RELN: variants seen among roughly 807,000 people sequenced by gnomAD.
RELN encodes the protein reelin.
In RELN, 108 loss-of-function variants were observed where a neutral mutation model predicts 427.6. That is an observed-to-expected ratio of 0.25 (90% confidence interval 0.22 to 0.30). RELN has a LOEUF of 0.30. RELN is among the 10% of genes least tolerant of loss of function. RELN has a pLI of 1.00. For missense variants in RELN, 3,715 were observed against 4,302.8 expected, an observed-to-expected ratio of 0.86 and a Z score of 3.82; for synonymous variants, 1,524 against 1,513.4, an observed-to-expected ratio of 1.01 and a Z score of -0.16.
chr7:103,539,847 G>A (rs559201426), intron 44 of RELN, among the ~76,000 whole-genome samples: 20 of 152,284 alleles, frequency 1.3e-4, no homozygotes, highest in Non-Finnish European at 2.2e-4. Context: ...GAGGATTTGG[G>A]AACTACTGCA....
At chr7:103,773,178 C>CT (rs1791629697) in intron 4 of RELN, among the ~76,000 whole-genome samples, 1 of 126,094 alleles carries the variant, frequency 7.9e-6, no homozygotes, top group African/African-American at 3.0e-5. Context: ...TTCTTTCTTT[C>CT]CTTCTTTCTT....
At chr7:103,870,414 C>T (rs920301183) in intron 2 of RELN, among the ~76,000 whole-genome samples, 2 of 151,596 alleles carry the variant, frequency 1.3e-5, no homozygotes, top group African/African-American at 4.9e-5. Flanking sequence ...TGAGCTTAAA[C>T]TTGTGTGAGC....
At chr7:103,928,003 T>A (rs1795783952) in intron 1 of RELN, among the ~76,000 whole-genome samples, 1 of 123,998 alleles carries the variant, frequency 8.1e-6, no homozygotes, top group African/African-American at 2.9e-5. Context: ...TTGGTTTTGA[T>A]TTGTTGATTT....
At chr7:103,667,175 G>C (rs1833287694) in intron 11 of RELN, among the ~76,000 whole-genome samples, 1 of 152,172 alleles carries the variant, frequency 6.6e-6, no homozygotes, top group South Asian at 2.1e-4. Flanking sequence ...AGCCAGCCTT[G>C]TTGTCACAGC....
intron 63 of RELN, among the ~76,000 whole-genome samples, chr7:103,480,885 G>GAT (rs1828209116): frequency 6.6e-6 from 1 of 152,136 alleles, no homozygotes; most frequent in Non-Finnish European, 1.5e-5. Context: ...AATAATGCAG[G>GAT]ATAAGAACAG....
At chr7:103,567,778 T>TTA (rs1378201193) in intron 31 of RELN, among the ~76,000 whole-genome samples, 2 of 149,222 alleles carry the variant, frequency 1.3e-5, no homozygotes, top group East Asian at 1.9e-4. Flanking sequence ...TTTTACTTTA[T>TTA]TATATATATA....
chr7:103,725,013 T>C (rs958298592), intron 7 of RELN, among the ~76,000 whole-genome samples: 1 of 152,144 alleles, frequency 6.6e-6, no homozygotes, highest in Non-Finnish European at 1.5e-5. Context: ...AAAGAGCTTT[T>C]GATAAATAAT....
Position 103,757,514 on chromosome 7 carries a change from G to A in RELN, c.545-4300C>T, listed in dbSNP as rs150736339. On this transcript the variant is annotated intron_variant, in intron 4 of 64. Coordinates refer to ENST00000428762, the MANE Select transcript of RELN (RefSeq NM_005045.4). ...AATTGCACGATTAAAACCTAGCAAC[G>A]ACATAAAATTGTCAAATGGCTTAAA... Among the ~76,000 whole-genome samples the A allele has an allele frequency of 2.9e-3, 445 of 152,230 alleles. 2 individuals carry two copies. The highest frequency in any genetic ancestry group is 9.3e-3 in the African/African-American group (388 of 41,528).
At chr7:103,895,371 A>G (rs1267010094) in intron 2 of RELN, among the ~76,000 whole-genome samples, 1 of 152,032 alleles carries the variant, frequency 6.6e-6, no homozygotes, top group African/African-American at 2.4e-5. Flanking sequence ...AATTTCCCCA[A>G]CTGCTCTAAT....
At chr7:103,946,143 C>T (rs149561187) in intron 1 of RELN, among the ~76,000 whole-genome samples, 45 of 152,214 alleles carry the variant, frequency 3.0e-4, no homozygotes, top group Middle Eastern at 3.4e-3. Context: ...CAGTGCTGAG[C>T]GCATAATAGG....
chr7:103,578,494 G>A (rs1831053661), intron 28 of RELN, among the ~76,000 whole-genome samples: 1 of 152,042 alleles, frequency 6.6e-6, no homozygotes, highest in Non-Finnish European at 1.5e-5. Context: ...GTTTTTTGTT[G>A]AAAGGTGCAA....
intron 6 of RELN, among the ~76,000 whole-genome samples, chr7:103,734,385 C>G (rs1254665607): frequency 1.3e-5 from 2 of 152,108 alleles, no homozygotes; most frequent in Non-Finnish European, 1.5e-5. Flanking sequence ...TGCTTTTCCC[C>G]TTTTATATTT....
chr7:103,635,634 C>T, intron 18 of RELN, 48 bp from the exon 19 acceptor site: 1 of 1,496,814 alleles, frequency 6.7e-7, no homozygotes, highest in Non-Finnish European at 9.3e-7. Context: ...CATTTTTAAT[C>T]ATAATGTTCA....
In RELN at chr7:103,975,113, T is replaced by C. The variant is rs540201518; in HGVS notation, c.226+14018A>G. 4.6e-5 allele frequency among the ~76,000 whole-genome samples: 7 copies of C among 152,366 alleles called. No individual in the cohort carries two copies. In the South Asian group the frequency reaches 6.2e-4, roughly 14 times the overall value. On this transcript the variant is annotated intron_variant, in intron 1 of 64. Transcript: ENST00000428762. ...GGTTTTCAGACTTTCTTTTCAAACATTGTTATCACAGGTTCAAAGCCAAAA... is the reference window on the plus strand; with the variant it reads ...GGTTTTCAGACTTTCTTTTCAAACACTGTTATCACAGGTTCAAAGCCAAAA...
chr7:103,509,397 A>G (rs1482387966), intron 51 of RELN, among the ~76,000 whole-genome samples: 4 of 152,230 alleles, frequency 2.6e-5, no homozygotes, highest in Admixed American at 1.3e-4. Flanking sequence ...AAAACAAGCA[A>G]TGGGGAAAGG....
At position 103,682,163 on chromosome 7, in the gene RELN, T is replaced by A. The variant is rs909645591; in HGVS notation, c.1242A>T (p.Glu414Asp). 2 of 1,613,950 alleles carry A rather than the reference T, an allele frequency of 1.2e-6. No individual in the cohort carries two copies. The highest frequency in any genetic ancestry group is 1.7e-5 in the Admixed American group (1 of 60,004). Residue 414 changes from glutamate (E) to aspartate (D), a missense_variant, in exon 11 of 65, where the codon GAA (glutamate) becomes GAT (aspartate). Transcript: ENST00000428762. ...CTTCTGACCATTGCTCTTGAATATC[T>A]TCTGTGGAAAGATCTACATCCCTGG... ...ATTRDVDLST[E>D]DIQEQWSEEF... is the part of the protein sequence containing the mutation.
At chr7:103,833,708 C>T in intron 2 of RELN, 36 bp from the exon 3 acceptor site, 1 of 1,594,628 alleles carries the variant, frequency 6.3e-7, no homozygotes, top group South Asian at 1.1e-5. Context: ...ACAAAGACAA[C>T]AAAACAAAGA....
At chr7:103,755,815 G>GACAAAAAAAAA (rs1554412930) in intron 4 of RELN, among the ~76,000 whole-genome samples, 2 of 103,634 alleles carry the variant, frequency 1.9e-5, no homozygotes, top group East Asian at 6.3e-4. Flanking sequence ...TCCACCTCAA[G>GACAAAAAAAAA]AAAAAAAAAA....
chr7:103,561,802 TA>T lies in RELN; in HGVS notation c.5351+10del. The T allele has an allele frequency of 6.2e-7, 1 of 1,613,942 alleles. No homozygotes were observed. Among genetic ancestry groups the T allele is most frequent in the Admixed American group, 1.7e-5 (1 of 59,980 alleles). On this transcript the variant is annotated intron_variant, in intron 35 of 64. Coordinates refer to ENST00000428762, the MANE Select transcript of RELN (RefSeq NM_005045.4). Reference sequence around the variant, plus strand: ...TTACAAAGAAAGAAACTGTCAGTTTTATTAACTTACACACAGCGTCCAGCAT... The same window carrying T: ...TTACAAAGAAAGAAACTGTCAGTTTTTTAACTTACACACAGCGTCCAGCAT...
Sources: allele counts gnomAD v4.1 joint callset (sites outside exome capture counted in the v4.1 genomes callset), GRCh38; gene constraint gnomAD v4.1.1; transcripts MANE v1.5; gene names NCBI Gene and HGNC (gene_info 2026-07-23, HGNC 2026-07-21).